Variants in CALCRL observed in about 807,000 individuals in gnomAD.
CALCRL encodes calcitonin gene-related peptide type 1 receptor.
In CALCRL, 27 loss-of-function variants were observed where a neutral mutation model predicts 60.4. That is an observed-to-expected ratio of 0.45 (90% CI 0.33 to 0.62). The LOEUF is 0.62. Ranked by LOEUF, CALCRL falls within the 20% of genes least tolerant of loss-of-function variation. CALCRL has a pLI of 0.03. For synonymous variants in CALCRL, 190 were observed against 182.6 expected, an observed-to-expected ratio of 1.04 and a Z score of -0.33; for missense variants, 424 against 540.7, an observed-to-expected ratio of 0.78 and a Z score of 2.14.
intron 12 of CALCRL, among the ~76,000 whole-genome samples, chr2:187,355,947 A>G (rs1313312678): frequency 6.6e-6 from 1 of 152,054 alleles, no homozygotes; most frequent in Non-Finnish European, 1.5e-5. Flanking sequence ...TTCCAAGGGA[A>G]GTGAAGGACC....
At chr2:187,348,854 A>G (rs1349426387) in intron 14 of CALCRL, among the ~76,000 whole-genome samples, 1 of 151,716 alleles carries the variant, frequency 6.6e-6, no homozygotes, top group African/African-American at 2.4e-5. Context: ...TTAATGAGAA[A>G]AAATCAGTAG....
At position 187,409,817 on chromosome 2, in the gene CALCRL, C is replaced by T. The variant is rs202212336; in HGVS notation, c.-292-22061G>A. ...TGATATCTGAAATTTGAGTCCTCAT[C>T]GACTAGGGAAAGACTGGAGGTGGGA... On this transcript the variant is annotated intron_variant, in intron 1 of 14. Coordinates refer to ENST00000392370, the MANE Select transcript of CALCRL (RefSeq NM_005795.6). 2.6e-5 allele frequency among the ~76,000 whole-genome samples: 4 copies of T among 152,074 alleles called. No homozygotes were observed. In the East Asian group the frequency reaches 7.7e-4, roughly 29 times the overall value.
chr2:187,357,390 A>C (rs573297593), intron 12 of CALCRL, among the ~76,000 whole-genome samples: 216 of 151,744 alleles, frequency 1.4e-3, no homozygotes, highest in African/African-American at 5.1e-3. Context: ...ATTCTCAGCA[A>C]ACTAACACAG....
chr2:187,443,555 C>T (rs1691026059), intron 1 of CALCRL, among the ~76,000 whole-genome samples: 1 of 151,568 alleles, frequency 6.6e-6, no homozygotes, highest in Non-Finnish European at 1.5e-5. Context: ...AAAATAAATG[C>T]ATATTTTTTC....
At position 187,359,054 on chromosome 2, in the gene CALCRL, G is replaced by A. The variant is rs1407339188; in HGVS notation, c.909+9C>T. 3.1e-6 allele frequency: 5 copies of A among 1,604,088 alleles called. No homozygotes were observed. In the Admixed American group the frequency reaches 6.7e-5, roughly 21 times the overall value. ...AGCAATGATAAGGAAAGGAGAATTT[G>A]TTACATACCAGTAAAGCAGCACAAA... is the stretch of plus-strand genomic sequence containing the variant. On this transcript the variant is annotated intron_variant, in intron 12 of 14. Transcript: ENST00000392370.
At chr2:187,375,838 T>C (rs1450284923) in intron 8 of CALCRL, among the ~76,000 whole-genome samples, 2 of 152,306 alleles carry the variant, frequency 1.3e-5, no homozygotes, top group East Asian at 3.9e-4. Context: ...AACCCTTCAA[T>C]TAAAATTTAA....
At chr2:187,428,633 C>T (rs1350678791) in intron 1 of CALCRL, 1 of 152,256 alleles carries the variant, frequency 6.6e-6, no homozygotes, top group Non-Finnish European at 1.5e-5. Flanking sequence ...GTGGCTCACG[C>T]CTGTAATCCC....
At chr2:187,434,496 A>G (rs1175979559) in intron 1 of CALCRL, among the ~76,000 whole-genome samples, 1 of 152,176 alleles carries the variant, frequency 6.6e-6, no homozygotes, top group Non-Finnish European at 1.5e-5. Flanking sequence ...AATACACAGC[A>G]TTAGAAAAGA....
intron 8 of CALCRL, among the ~76,000 whole-genome samples, chr2:187,377,654 A>G (rs1680851228): frequency 1.3e-5 from 2 of 152,172 alleles, no homozygotes; most frequent in Admixed American, 6.5e-5. Flanking sequence ...GGGAAAAGTT[A>G]TAGTCAAAAA....
chr2:187,345,205 A>G lies in CALCRL; in HGVS notation c.*979T>C, dbSNP rs965636546. Reference sequence around the variant, plus strand: ...ATTATATATTTGCTTTAAAAATTACATAGGTTGTATGTATTTGATTTGAGA... The same window carrying G: ...ATTATATATTTGCTTTAAAAATTACGTAGGTTGTATGTATTTGATTTGAGA... On this transcript the variant is annotated 3_prime_UTR_variant, in exon 15 of 15. Coordinates refer to ENST00000392370, the MANE Select transcript of CALCRL (RefSeq NM_005795.6). The G allele has an allele frequency of 6.6e-6, 1 of 152,054 alleles. No homozygotes were observed. The highest frequency in any genetic ancestry group is 2.4e-5 in the African/African-American group (1 of 41,254). The allele number at this position is 152,054 out of a possible 1,614,324, so 9.4% of individuals were successfully genotyped here.
chr2:187,375,965 T>A (rs1687739981), intron 8 of CALCRL, among the ~76,000 whole-genome samples: 1 of 152,142 alleles, frequency 6.6e-6, no homozygotes. Context: ...AGAAATACAG[T>A]TTATGTGTGT....
intron 1 of CALCRL, among the ~76,000 whole-genome samples, chr2:187,391,046 C>G (rs1688420605): frequency 6.6e-6 from 1 of 152,132 alleles, no homozygotes; most frequent in South Asian, 2.1e-4. Context: ...ATAGATGAAT[C>G]ATGGCAAGGC....
At chr2:187,369,432 C>T (rs554102473) in intron 8 of CALCRL, among the ~76,000 whole-genome samples, 2 of 152,222 alleles carry the variant, frequency 1.3e-5, no homozygotes, top group African/African-American at 2.4e-5. Context: ...TTTAAAGTTG[C>T]TATCATATTT....
At chr2:187,419,367 T>G (rs1349168167) in intron 1 of CALCRL, among the ~76,000 whole-genome samples, 1 of 152,156 alleles carries the variant, frequency 6.6e-6, no homozygotes, top group African/African-American at 2.4e-5. Context: ...AACACCCCTG[T>G]GAGGATGCAA....
intron 10 of CALCRL, 101 bp downstream of exon 10, chr2:187,360,497 A>G: frequency 1.0e-6 from 1 of 1,000,164 alleles, no homozygotes. Flanking sequence ...TATTCTTTAA[A>G]AATGATTACT....
chr2:187,433,512 G>A (rs1690493392), intron 1 of CALCRL, among the ~76,000 whole-genome samples: 1 of 151,918 alleles, frequency 6.6e-6, no homozygotes, highest in Non-Finnish European at 1.5e-5. Context: ...TGGATTAATA[G>A]GCAAGAAGAA....
chr2:187,352,886 G>A (rs1686597813), intron 12 of CALCRL, among the ~76,000 whole-genome samples: 1 of 151,768 alleles, frequency 6.6e-6, no homozygotes, highest in Non-Finnish European at 1.5e-5. Context: ...TTACTTATGA[G>A]GGAACTTTGA....
chr2:187,349,636 G>A (rs1686439578), intron 14 of CALCRL, among the ~76,000 whole-genome samples: 1 of 151,650 alleles, frequency 6.6e-6, no homozygotes, highest in Admixed American at 6.6e-5. Flanking sequence ...GTGAGGAACT[G>A]AAAGATTTGG....
chr2:187,397,683 C>T (rs1688719653), intron 1 of CALCRL, among the ~76,000 whole-genome samples: 2 of 151,528 alleles, frequency 1.3e-5, no homozygotes, highest in Non-Finnish European at 3.0e-5. Context: ...TCTTATCCCT[C>T]ACCCCAGCTA....
Sources: allele counts gnomAD v4.1 joint callset (sites outside exome capture counted in the v4.1 genomes callset), GRCh38; gene constraint gnomAD v4.1.1; transcripts MANE v1.5; gene names NCBI Gene and HGNC (gene_info 2026-07-23, HGNC 2026-07-21).